The following ZC3H7A variants were observed in gnomAD, a reference collection of about 807,000 sequenced individuals.
ZC3H7A encodes the protein zinc finger CCCH-type containing 7A.
Under a neutral mutation model 125.5 loss-of-function variants are expected in ZC3H7A, and 44 were observed. The observed-to-expected ratio is 0.35, with a 90% confidence interval of 0.28 to 0.45. ZC3H7A has a LOEUF of 0.45. ZC3H7A is among the 20% of genes least tolerant of loss of function. ZC3H7A has a pLI of 1.00. For missense variants in ZC3H7A, 977 were observed against 1,170.7 expected, an observed-to-expected ratio of 0.83 and a Z score of 2.41; for synonymous variants, 399 against 391.2, an observed-to-expected ratio of 1.02 and a Z score of -0.23.
chr16:11,789,846 C>T (rs1021217417), intron 1 of ZC3H7A, among the ~76,000 whole-genome samples: 2 of 151,714 alleles, frequency 1.3e-5, no homozygotes, highest in Non-Finnish European at 2.9e-5. Flanking sequence ...TTTGGGAGGC[C>T]GAGGCAGGCA....
At chr16:11,761,855 T>C in intron 18 of ZC3H7A, 55 bp downstream of exon 18, 1 of 1,597,476 alleles carries the variant, frequency 6.3e-7, no homozygotes, top group South Asian at 1.2e-5. Flanking sequence ...TATAATTTTA[T>C]ACCTACGAAA....
chr16:11,770,818 GA>G lies in ZC3H7A; in HGVS notation c.1072del (p.Ser358LeufsTer2). The G allele has an allele frequency of 6.2e-7, 1 of 1,613,996 alleles. No homozygotes were observed. The highest frequency in any genetic ancestry group is 2.2e-5 in the East Asian group (1 of 44,880). On this transcript the variant is annotated frameshift_variant, in exon 10 of 23. Coordinates refer to ENST00000355758, the MANE Select transcript of ZC3H7A (RefSeq NM_014153.4). LOFTEE classifies it high-confidence loss of function. The part of the protein sequence containing the change: ...LTSSLEDFCS[S>X]LNSFSMSESK... ...TTCACTCATTGAAAATGAATTTAAA[GA>G]AGAACAAAAATCTTCTAAGGATGAA...
chr16:11,750,614 T>C lies in ZC3H7A; in HGVS notation c.*703A>G, dbSNP rs2052539617. 1 of 152,532 alleles carries C rather than the reference T, an allele frequency of 6.6e-6. No individual in the cohort carries two copies. The highest frequency in any genetic ancestry group is 2.4e-5 in the African/African-American group (1 of 41,470). 9.4% of individuals were successfully genotyped at this position (152,532 alleles called of 1,614,324 possible). ...AAGGCATCTATATATAAAATCTTTATTACAGGCAGTATTGGTCCATACACT... is the reference window on the plus strand; with the variant it reads ...AAGGCATCTATATATAAAATCTTTACTACAGGCAGTATTGGTCCATACACT... On this transcript the variant is annotated 3_prime_UTR_variant, in exon 23 of 23. Transcript: ENST00000355758.
At chr16:11,796,685 A>T (rs2053443767) in intron 1 of ZC3H7A, 1 of 152,114 alleles carries the variant, frequency 6.6e-6, no homozygotes, top group African/African-American at 2.4e-5. Context: ...AAAGGGGGGT[A>T]AAAAAGACGG....
At chr16:11,782,879 T>C (rs1186358723) in intron 1 of ZC3H7A, 1 of 155,312 alleles carries the variant, frequency 6.4e-6, no homozygotes, top group East Asian at 1.9e-4. Flanking sequence ...CCTCCCAAAG[T>C]GTGGGATTAT....
intron 1 of ZC3H7A, among the ~76,000 whole-genome samples, chr16:11,786,413 T>G (rs2053257854): frequency 6.6e-6 from 1 of 152,064 alleles, no homozygotes; most frequent in Non-Finnish European, 1.5e-5. Flanking sequence ...GGAATTGGTT[T>G]GAGGTTGACT....
At chr16:11,793,465 T>A (rs888491472) in intron 1 of ZC3H7A, among the ~76,000 whole-genome samples, 4 of 150,902 alleles carry the variant, frequency 2.7e-5, no homozygotes, top group South Asian at 4.2e-4. Context: ...GCCAGGAGTT[T>A]GAGGTCACAG....
intron 19 of ZC3H7A, among the ~76,000 whole-genome samples, chr16:11,760,122 G>GAAAAAAAAA (rs66812605): frequency 0.019 from 1,555 of 82,276 alleles, 6 homozygotes; most frequent in African/African-American, 0.032. Flanking sequence ...AAGAAAAAAT[G>GAAAAAAAAA]AAAAAAAAAA....
At chr16:11,768,623 C>T (rs1255315865) in intron 11 of ZC3H7A, 122 bp from the exon 12 acceptor site, 12 of 852,840 alleles carry the variant, frequency 1.4e-5, no homozygotes, top group Non-Finnish European at 2.0e-5. Context: ...GTCAGTACTA[C>T]TCCATCCTTA....
chr16:11,793,802 T>G (rs2053390639), intron 1 of ZC3H7A, among the ~76,000 whole-genome samples: 3 of 152,202 alleles, frequency 2.0e-5, no homozygotes, highest in Non-Finnish European at 4.4e-5. Flanking sequence ...TTGGATACTT[T>G]ATGAAACAGT....
In ZC3H7A at chr16:11,779,877, A is replaced by T. The variant is rs78157925; in HGVS notation, c.109-514T>A. Among the ~76,000 whole-genome samples the T allele has an allele frequency of 3.5e-3, 129 of 36,658 alleles. No individual in the cohort carries two copies. In the East Asian group the frequency reaches 0.088, roughly 25 times the overall value. The allele number at this position is 36,658 out of a possible 152,430, so 24.0% of individuals were successfully genotyped here. A position where few individuals can be genotyped will look rare whatever the true frequency, so the allele number is the denominator to read the frequency against. ...AAATGGTATCGTTTTGTGTTTATTT[A>T]TTTTTTTTAATGGTATCCTCTTTGT... On this transcript the variant is annotated intron_variant, in intron 3 of 22. Transcript: ENST00000355758.
Position 11,767,468 on chromosome 16 carries a change from G to A in ZC3H7A, c.1471C>T (p.Arg491Cys), listed in dbSNP as rs1310830590. Residue 491 changes from arginine to cysteine, a missense_variant, in exon 13 of 23, where the codon CGT becomes TGT. Physicochemically the swap from Arg to Cys is radical, Grantham distance 180. Coordinates refer to ENST00000355758, the MANE Select transcript of ZC3H7A (RefSeq NM_014153.4). ...NVEDKSWKKI[R>C]PRPTKTNYEG... Reference sequence around the variant, plus strand: ...TAATTTGTTTTTGTTGGTCTTGGACGTATTTTTTTCCATGATTTATCTTCA... The same window carrying A: ...TAATTTGTTTTTGTTGGTCTTGGACATATTTTTTTCCATGATTTATCTTCA... 3 of 1,609,422 alleles carry A rather than the reference G, an allele frequency of 1.9e-6. No individual in the cohort carries two copies. The highest frequency in any genetic ancestry group is 1.7e-6 in the Non-Finnish European group (2 of 1,176,872).
At chr16:11,791,944 C>T (rs2053361609) in intron 1 of ZC3H7A, among the ~76,000 whole-genome samples, 1 of 152,192 alleles carries the variant, frequency 6.6e-6, no homozygotes, top group Admixed American at 6.5e-5. Context: ...CAGTGTCTCC[C>T]TGTGTTGCCC....
intron 21 of ZC3H7A, among the ~76,000 whole-genome samples, chr16:11,755,806 G>A (rs762308866): frequency 2.0e-5 from 3 of 152,198 alleles, no homozygotes; most frequent in Non-Finnish European, 4.4e-5. Flanking sequence ...AGAGAGAGAA[G>A]ATGAAGACAC....
chr16:11,792,889 G>C (rs2053376124), intron 1 of ZC3H7A, among the ~76,000 whole-genome samples: 1 of 152,170 alleles, frequency 6.6e-6, no homozygotes, highest in Admixed American at 6.5e-5. Context: ...CTGATGAACA[G>C]GTGGGCACTT....
chr16:11,768,513 ATAAGAAG>A lies in ZC3H7A; in HGVS notation c.1174-19_1174-13del. The A allele has an allele frequency of 1.4e-6, 2 of 1,422,644 alleles. No homozygotes were observed. The allele number at this position is 1,422,644 out of a possible 1,614,324, so 88.1% of individuals were successfully genotyped here. A position where few individuals can be genotyped will look rare whatever the true frequency, so the allele number is the denominator to read the frequency against. Reference sequence around the variant, plus strand: ...CCTGGTCCATTCATCTGCAAGAAAAATAAGAAGAAAAAAAAAAAAAACAGCCAACAAA... The same window carrying A: ...CCTGGTCCATTCATCTGCAAGAAAAAAAAAAAAAAAAAAACAGCCAACAAA... On this transcript the variant is annotated splice_polypyrimidine_tract_variant and intron_variant, in intron 11 of 22. Transcript: ENST00000355758.
chr16:11,780,387 C>T (rs948882719), intron 3 of ZC3H7A, among the ~76,000 whole-genome samples: 1 of 152,096 alleles, frequency 6.6e-6, no homozygotes, highest in African/African-American at 2.4e-5. Flanking sequence ...TCCGAAAATG[C>T]TGGGATTACA....
At chr16:11,760,754 G>T (rs542442680) in intron 19 of ZC3H7A, among the ~76,000 whole-genome samples, 1 of 152,186 alleles carries the variant, frequency 6.6e-6, no homozygotes, top group South Asian at 2.1e-4. Flanking sequence ...TCATGAAGAG[G>T]AAAGTCCAGG....
intron 1 of ZC3H7A, among the ~76,000 whole-genome samples, chr16:11,791,881 A>G (rs2053359041): frequency 6.6e-6 from 1 of 152,162 alleles, no homozygotes; most frequent in Non-Finnish European, 1.5e-5. Flanking sequence ...TCTCCTAAAT[A>G]AAAAAGAATT....
Sources: gnomAD v4.1 joint callset for allele counts (sites outside exome capture counted in the v4.1 genomes callset) on GRCh38, gnomAD v4.1.1 for gene constraint, MANE v1.5 for transcripts, NCBI Gene and HGNC (gene_info 2026-07-23, HGNC 2026-07-21) for gene names.